LRRC38: variants seen among roughly 807,000 people sequenced by gnomAD.
The protein encoded by LRRC38 is leucine-rich repeat-containing protein 38.
LRRC38 carries 5 observed loss-of-function variants against 16.4 expected under a neutral mutation model. The observed-to-expected ratio is 0.31, with a 90% CI of 0.16 to 0.64. The LOEUF is 0.64. Among genes scored for constraint, LRRC38 ranks in the 30% least tolerant of loss-of-function variants. The probability of loss-of-function intolerance (pLI) is 0.80; values close to 1 mark genes in which losing one functional copy is unlikely to be tolerated. For synonymous variants in LRRC38, 191 were observed against 190.2 expected (o/e 1.00, Z -0.04); for missense variants, 341 against 401.8 (o/e 0.85, Z 1.29).
At chr1:13,505,308 A>T (rs1639199814) in intron 1 of LRRC38, among the ~76,000 whole-genome samples, 1 of 152,206 alleles carries the variant, frequency 6.6e-6, no homozygotes, top group South Asian at 2.1e-4. Flanking sequence ...GCTGCGGCTC[A>T]GGGGGCTACC....
At chr1:13,504,741 AGGGAGGGGAG>A (rs1318541847) in intron 1 of LRRC38, among the ~76,000 whole-genome samples, 30 of 21,578 alleles carry the variant, frequency 1.4e-3, no homozygotes, top group African/African-American at 2.6e-3. Context: ...GGGGAGGGGA[AGGGAGGGGAG>A]GGGAGGGGAG....
intron 1 of LRRC38, among the ~76,000 whole-genome samples, chr1:13,495,301 A>G (rs1186419141): frequency 6.6e-6 from 1 of 152,198 alleles, no homozygotes; most frequent in African/African-American, 2.4e-5. Context: ...AACATAAACT[A>G]GATGTACGTG....
At chr1:13,488,176 GT>G (rs1230709276) in intron 1 of LRRC38, among the ~76,000 whole-genome samples, 1 of 151,526 alleles carries the variant, frequency 6.6e-6, no homozygotes, top group Non-Finnish European at 1.5e-5. Context: ...GCATTTTATT[GT>G]GTAGATGAGC....
At chr1:13,509,040 G>A (rs1191270112) in intron 1 of LRRC38, among the ~76,000 whole-genome samples, 1 of 152,178 alleles carries the variant, frequency 6.6e-6, no homozygotes, top group African/African-American at 2.4e-5. Flanking sequence ...GCCCCCGAAT[G>A]CTCAGATGCT....
At chr1:13,505,290 T>C (rs1293979339) in intron 1 of LRRC38, among the ~76,000 whole-genome samples, 1 of 152,168 alleles carries the variant, frequency 6.6e-6, no homozygotes. Context: ...CCCTCCTGCA[T>C]AGCAGGAGCT....
chr1:13,479,904 G>A (rs114783945), intron 1 of LRRC38, among the ~76,000 whole-genome samples: 233 of 152,272 alleles, frequency 1.5e-3, no homozygotes, highest in African/African-American at 5.4e-3. Context: ...TTTAAACCAG[G>A]GTTTCTCAAC....
At chr1:13,478,940 C>T (rs1638819349) in intron 1 of LRRC38, among the ~76,000 whole-genome samples, 1 of 152,168 alleles carries the variant, frequency 6.6e-6, no homozygotes, top group African/African-American at 2.4e-5. Context: ...TCCCTCCTCT[C>T]CCAGAATCAG....
intron 1 of LRRC38, among the ~76,000 whole-genome samples, chr1:13,501,703 C>T (rs573603131): frequency 6.7e-6 from 1 of 149,504 alleles, no homozygotes; most frequent in East Asian, 2.0e-4. Flanking sequence ...AAGCAATTCT[C>T]CTGCCTCAGC....
At chr1:13,483,692 G>A (rs539295874) in intron 1 of LRRC38, among the ~76,000 whole-genome samples, 3 of 152,086 alleles carry the variant, frequency 2.0e-5, no homozygotes, top group Non-Finnish European at 4.4e-5. Context: ...TGTGACCCTG[G>A]GCCAGGCCCA....
At chr1:13,510,191 C>T (rs1228347463) in intron 1 of LRRC38, among the ~76,000 whole-genome samples, 2 of 152,116 alleles carry the variant, frequency 1.3e-5, no homozygotes, top group African/African-American at 2.4e-5. Flanking sequence ...TTTCCTCCCC[C>T]GGAAGAGGCA....
intron 1 of LRRC38, among the ~76,000 whole-genome samples, chr1:13,497,947 T>G (rs566816961): frequency 1.2e-5 from 1 of 86,564 alleles, no homozygotes; most frequent in East Asian, 3.0e-4. Context: ...GCAACAAGAG[T>G]GAAAAACTCC....
intron 1 of LRRC38, among the ~76,000 whole-genome samples, chr1:13,491,491 G>T (rs909911187): frequency 6.6e-6 from 1 of 151,910 alleles, no homozygotes; most frequent in Non-Finnish European, 1.5e-5. Flanking sequence ...CCCACTCCTG[G>T]CTAATTTTTT....
At chr1:13,512,941 C>T (rs1024615620) in intron 1 of LRRC38, 22 bp downstream of exon 1, 1 of 1,522,432 alleles carries the variant, frequency 6.6e-7, no homozygotes, top group Non-Finnish European at 8.9e-7. Context: ...CTCCCTCCCC[C>T]AGCCTAGCCG....
chr1:13,482,149 G>A (rs1638877351), intron 1 of LRRC38, among the ~76,000 whole-genome samples: 1 of 152,124 alleles, frequency 6.6e-6, no homozygotes, highest in African/African-American at 2.4e-5. Context: ...AGGAAGGAAG[G>A]GAAGATGGAA....
At chr1:13,477,419 A>T (rs2924854) in intron 1 of LRRC38, among the ~76,000 whole-genome samples, 23,991 of 152,164 alleles carry the variant, frequency 0.16, 1,984 homozygotes, top group East Asian at 0.23. Context: ...CAGGGTAGAA[A>T]GATAAAGAAA....
At chr1:13,509,923 G>GA (rs1432166636) in intron 1 of LRRC38, among the ~76,000 whole-genome samples, 2 of 152,072 alleles carry the variant, frequency 1.3e-5, no homozygotes, top group African/African-American at 4.8e-5. Context: ...CAGATCCCCA[G>GA]GCCTCAGCCC....
At position 13,475,861 on chromosome 1, in the gene LRRC38, C is replaced by T; in HGVS notation, c.870G>A (p.Glu290=). 1.9e-6 allele frequency: 3 copies of T among 1,549,906 alleles called. No homozygotes were observed. The highest frequency in any genetic ancestry group is 2.6e-6 in the Non-Finnish European group (3 of 1,146,852). Residue 290 remains glutamate, a synonymous_variant, in exon 2 of 2, where the codon GAG becomes GAA. Transcript: ENST00000376085. The surrounding 1 kb of genome is among the most constrained non-coding windows in gnomAD (Gnocchi z 4.3). ...AGGAGGTGGCTCAGTCATCCTTGTCCTCGTCTTCATCCTCCGCATCTTTGT... is the reference window on the plus strand; with the variant it reads ...AGGAGGTGGCTCAGTCATCCTTGTCTTCGTCTTCATCCTCCGCATCTTTGT... ...APNKDAEDED[E]DKDD is the part of the protein sequence containing the mutation.
chr1:13,488,274 T>C (rs536933630), intron 1 of LRRC38, among the ~76,000 whole-genome samples: 1 of 151,858 alleles, frequency 6.6e-6, no homozygotes, highest in Non-Finnish European at 1.5e-5. Context: ...CACTTTTTTT[T>C]TTTTTTTTGT....
chr1:13,481,531 A>G (rs1465151474), intron 1 of LRRC38, among the ~76,000 whole-genome samples: 1 of 151,802 alleles, frequency 6.6e-6, no homozygotes, highest in Non-Finnish European at 1.5e-5. Context: ...AGCTGGGACT[A>G]CAGGCACCCA....
Sources: allele counts gnomAD v4.1 joint callset (sites outside exome capture counted in the v4.1 genomes callset), GRCh38; gene constraint gnomAD v4.1.1; non-coding constraint Gnocchi (gnomAD v3.1); transcripts MANE v1.5; gene names NCBI Gene and HGNC (gene_info 2026-07-23, HGNC 2026-07-21).